The following MACROD2 variants were observed in gnomAD, a reference collection of about 807,000 sequenced individuals.
MACROD2 encodes the protein ADP-ribose glycohydrolase MACROD2.
In MACROD2, 36 loss-of-function variants were observed where a neutral mutation model predicts 70.4. The ratio of observed to expected loss-of-function variants is 0.51; its 90% CI spans 0.39 to 0.68. The LOEUF (loss-of-function observed/expected upper bound fraction) is 0.68. MACROD2 is among the 30% of genes least tolerant of loss of function. The pLI, the probability that MACROD2 is intolerant of heterozygous loss-of-function variation, is 0.00. For synonymous variants in MACROD2, 172 were observed against 178.8 expected (o/e 0.96, Z 0.30); for missense variants, 496 against 538.4 (o/e 0.92, Z 0.78).
intron 5 of MACROD2, among the ~76,000 whole-genome samples, chr20:15,207,600 G>T (rs548187412): frequency 6.6e-6 from 1 of 151,686 alleles, no homozygotes; most frequent in South Asian, 2.1e-4. Flanking sequence ...GTGCCACCAC[G>T]CCTGGCTAAT....
At chr20:15,635,766 T>G (rs898127960) in intron 8 of MACROD2, among the ~76,000 whole-genome samples, 2 of 152,142 alleles carry the variant, frequency 1.3e-5, no homozygotes. Flanking sequence ...AAACCCCACA[T>G]TTTAGAAATC....
At chr20:14,307,749 TTTTTTCTAATTTAGC>T (rs2082533127) in intron 3 of MACROD2, among the ~76,000 whole-genome samples, 1 of 152,126 alleles carries the variant, frequency 6.6e-6, no homozygotes, top group Admixed American at 6.6e-5. Flanking sequence ...AGCAGACAAA[TTTTTTCTAATTTAGC>T]TTTATTTTGT....
chr20:14,526,059 T>C (rs942527334), intron 4 of MACROD2, among the ~76,000 whole-genome samples: 3 of 152,212 alleles, frequency 2.0e-5, no homozygotes, highest in African/African-American at 7.2e-5. Context: ...TTTGTCTTGT[T>C]GGCTGTAAAA....
At chr20:15,575,173 T>G (rs1490789731) in intron 8 of MACROD2, among the ~76,000 whole-genome samples, 1 of 152,184 alleles carries the variant, frequency 6.6e-6, no homozygotes, top group African/African-American at 2.4e-5. Flanking sequence ...TGTTTTTGTT[T>G]TGTTATATTT....
intron 4 of MACROD2, among the ~76,000 whole-genome samples, chr20:14,527,346 C>T (rs551709800): frequency 1.4e-4 from 21 of 152,294 alleles, no homozygotes; most frequent in African/African-American, 4.8e-4. Flanking sequence ...GCAGAAAATG[C>T]CTGTCTTCAC....
intron 5 of MACROD2, among the ~76,000 whole-genome samples, chr20:15,007,342 C>T (rs540102580): frequency 4.0e-5 from 6 of 151,030 alleles, no homozygotes; most frequent in East Asian, 1.9e-4. Flanking sequence ...CCAGCCTGGG[C>T]GACAGAGTGA....
chr20:15,792,906 T>G (rs1036588054), intron 8 of MACROD2, among the ~76,000 whole-genome samples: 11 of 152,164 alleles, frequency 7.2e-5, no homozygotes, highest in Non-Finnish European at 1.6e-4. Context: ...ATACTAGAAA[T>G]GATCACATAA....
intron 8 of MACROD2, among the ~76,000 whole-genome samples, chr20:15,578,880 C>T (rs2048485966): frequency 6.6e-6 from 1 of 151,980 alleles, no homozygotes; most frequent in African/African-American, 2.4e-5. Flanking sequence ...AATAAGGCAC[C>T]TGGCATATAG....
chr20:15,957,494 C>T (rs1212495315), intron 12 of MACROD2, among the ~76,000 whole-genome samples: 13 of 152,106 alleles, frequency 8.5e-5, no homozygotes, highest in Non-Finnish European at 1.8e-4. Context: ...CCTTGATGCT[C>T]TCTCATGACC....
chr20:15,824,295 G>A (rs1339809909), intron 8 of MACROD2, among the ~76,000 whole-genome samples: 1 of 151,942 alleles, frequency 6.6e-6, no homozygotes, highest in Non-Finnish European at 1.5e-5. Context: ...GAATGTGTGT[G>A]TTATTTTCTC....
rs200180853 is a variant in MACROD2 at position 14,429,555 on chromosome 20, TG to T, written c.272-63921del. On this transcript the variant is annotated intron_variant, in intron 3 of 17. Coordinates refer to ENST00000684519, the MANE Select transcript of MACROD2 (RefSeq NM_001351661.2). ...AACATGTGTTGGAAGTTAGTATAGA[TG>T]GGCTTTGGTCCTTTTAGTGGACTTT... is the stretch of plus-strand genomic sequence containing the variant. 6.1e-3 allele frequency among the ~76,000 whole-genome samples: 930 copies of T among 152,280 alleles called. 27 individuals are homozygous for T. The highest frequency in any genetic ancestry group is 0.045 in the Admixed American group (686 of 15,284).
At chr20:15,037,329 C>T (rs1487900098) in intron 5 of MACROD2, among the ~76,000 whole-genome samples, 1 of 152,202 alleles carries the variant, frequency 6.6e-6, no homozygotes, top group Non-Finnish European at 1.5e-5. Context: ...AATGAGAAAT[C>T]CTCAAAAGCC....
chr20:15,732,235 A>C (rs1229051682), intron 8 of MACROD2, among the ~76,000 whole-genome samples: 2 of 151,980 alleles, frequency 1.3e-5, no homozygotes, highest in African/African-American at 2.4e-5. Flanking sequence ...TCTTTACTTT[A>C]AAGCCACTGT....
intron 8 of MACROD2, among the ~76,000 whole-genome samples, chr20:15,827,016 A>G (rs2064004122): frequency 6.6e-6 from 1 of 152,074 alleles, no homozygotes; most frequent in African/African-American, 2.4e-5. Flanking sequence ...ATAGTGAACT[A>G]ATTGCCTTAA....
At chr20:14,784,000 A>G (rs1311946756) in intron 5 of MACROD2, among the ~76,000 whole-genome samples, 1 of 152,118 alleles carries the variant, frequency 6.6e-6, no homozygotes, top group Non-Finnish European at 1.5e-5. Context: ...TAGGCAAAAT[A>G]AATAAAATGC....
At chr20:14,428,818 A>C (rs2122921485) in intron 3 of MACROD2, among the ~76,000 whole-genome samples, 1 of 152,274 alleles carries the variant, frequency 6.6e-6, no homozygotes. Context: ...AATGAATAAG[A>C]ACTTTCATTG....
At chr20:14,140,796 G>C (rs766639963) in intron 3 of MACROD2, among the ~76,000 whole-genome samples, 9 of 152,034 alleles carry the variant, frequency 5.9e-5, no homozygotes, top group Non-Finnish European at 1.0e-4. Flanking sequence ...CTTTATTTTC[G>C]AAATGATTAT....
At chr20:14,999,481 CAA>C (rs911102147) in intron 5 of MACROD2, among the ~76,000 whole-genome samples, 1 of 151,900 alleles carries the variant, frequency 6.6e-6, no homozygotes, top group East Asian at 1.9e-4. Context: ...TCTGTGTCTA[CAA>C]AAAAATAAAG....
intron 9 of MACROD2, among the ~76,000 whole-genome samples, chr20:15,882,178 C>G (rs2064763701): frequency 6.6e-6 from 1 of 152,076 alleles, no homozygotes; most frequent in South Asian, 2.1e-4. Context: ...GCAGAAAAAT[C>G]ATACAAAATT....
Sources: allele counts gnomAD v4.1 joint callset (sites outside exome capture counted in the v4.1 genomes callset), GRCh38; gene constraint gnomAD v4.1.1; transcripts MANE v1.5; gene names NCBI Gene and HGNC (gene_info 2026-07-23, HGNC 2026-07-21).